The following CNTN5 variants were observed in gnomAD, a reference collection of about 807,000 sequenced individuals.
The protein encoded by CNTN5 is contactin 5, also known as contactin-5.
In CNTN5, 77 loss-of-function variants were observed where a neutral mutation model predicts 129.1. The ratio of observed to expected loss-of-function variants is 0.60; its 90% CI spans 0.50 to 0.72. The LOEUF is 0.72. CNTN5 is among the 30% of genes least tolerant of loss of function. CNTN5 has a pLI of 0.00. For synonymous variants in CNTN5, 509 were observed against 465.6 expected (o/e 1.09, Z -1.20); for missense variants, 1,478 against 1,328.8 (o/e 1.11, Z -1.75).
intron 2 of CNTN5, among the ~76,000 whole-genome samples, chr11:99,460,292 T>C (rs889692318): frequency 6.6e-6 from 1 of 151,482 alleles, no homozygotes; most frequent in Non-Finnish European, 1.5e-5. Context: ...ATTTAAGAAA[T>C]ATTAATTATT....
intron 1 of CNTN5, among the ~76,000 whole-genome samples, chr11:99,114,604 AT>A (rs1237403126): frequency 6.6e-6 from 1 of 152,134 alleles, no homozygotes; most frequent in African/African-American, 2.4e-5. Context: ...AATGAAAAAA[AT>A]ACTCGAATTA....
intron 4 of CNTN5, among the ~76,000 whole-genome samples, chr11:99,831,495 G>A (rs11827419): frequency 0.067 from 10,269 of 152,198 alleles, 365 homozygotes; most frequent in Middle Eastern, 0.14. Flanking sequence ...GGCTGTTGGC[G>A]TTGCAGTTTT....
At chr11:99,552,530 T>C (rs552473756) in intron 2 of CNTN5, among the ~76,000 whole-genome samples, 1 of 152,172 alleles carries the variant, frequency 6.6e-6, no homozygotes, top group African/African-American at 2.4e-5. Flanking sequence ...CTTGCTATTT[T>C]AAGGAGAGTA....
At chr11:99,430,456 C>A (rs1943316404) in intron 2 of CNTN5, among the ~76,000 whole-genome samples, 1 of 148,254 alleles carries the variant, frequency 6.7e-6, no homozygotes, top group African/African-American at 2.5e-5. Context: ...TTTATAAGGC[C>A]TTTATATATA....
At chr11:99,793,713 C>A (rs942306376) in intron 3 of CNTN5, among the ~76,000 whole-genome samples, 2 of 152,236 alleles carry the variant, frequency 1.3e-5, no homozygotes, top group African/African-American at 4.8e-5. Context: ...GCTTAATTTT[C>A]ATGTAATTTG....
intron 8 of CNTN5, 53 bp downstream of exon 8, chr11:99,957,062 A>G (rs1950822623): frequency 6.8e-7 from 1 of 1,478,680 alleles, no homozygotes; most frequent in Non-Finnish European, 9.3e-7. Context: ...TGGAAAATAA[A>G]GATGTATTAG....
intron 3 of CNTN5, among the ~76,000 whole-genome samples, chr11:99,761,245 A>G (rs972632209): frequency 4.6e-5 from 7 of 151,858 alleles, no homozygotes; most frequent in Non-Finnish European, 1.0e-4. Flanking sequence ...AAGTTTCTGT[A>G]TTAGTTTTTT....
chr11:99,315,610 T>C (rs1434987863), intron 1 of CNTN5, among the ~76,000 whole-genome samples: 1 of 149,726 alleles, frequency 6.7e-6, no homozygotes. Context: ...TGTTGTTTTA[T>C]TTCGCTTTAG....
At chr11:99,933,654 G>A (rs1394739528) in intron 7 of CNTN5, among the ~76,000 whole-genome samples, 1 of 152,178 alleles carries the variant, frequency 6.6e-6, no homozygotes, top group Admixed American at 6.5e-5. Flanking sequence ...GAGGCAGTTA[G>A]TTGGGTTTTT....
chr11:99,224,052 C>T (rs1479247693), intron 1 of CNTN5, among the ~76,000 whole-genome samples: 2 of 152,102 alleles, frequency 1.3e-5, no homozygotes, highest in Non-Finnish European at 2.9e-5. Flanking sequence ...AAGCTAACTA[C>T]AGAGAACACA....
intron 3 of CNTN5, among the ~76,000 whole-genome samples, chr11:99,589,562 A>G (rs1949912908): frequency 6.6e-6 from 1 of 152,220 alleles, no homozygotes; most frequent in Non-Finnish European, 1.5e-5. Flanking sequence ...TATGTTTTCT[A>G]TAGTGAATAC....
intron 8 of CNTN5, among the ~76,000 whole-genome samples, chr11:99,973,957 A>C (rs1937757290): frequency 6.6e-6 from 1 of 152,230 alleles, no homozygotes; most frequent in South Asian, 2.1e-4. Context: ...AGACATACTG[A>C]GAGGTAATTC....
chr11:100,081,520 G>C lies in CNTN5; in HGVS notation c.1580+7226G>C, dbSNP rs113917108. 9.1e-3 allele frequency among the ~76,000 whole-genome samples: 1,392 copies of C among 152,176 alleles called. 11 individuals are homozygous for C. The highest frequency in any genetic ancestry group is 0.013 in the South Asian group (61 of 4,828). On this transcript the variant is annotated intron_variant, in intron 13 of 24. Transcript: ENST00000524871. ...TGCAAGGTGGTAAGATGCTATGTCC[G>C]TATTCCACCCCATCTGAACTAATCC...
intron 1 of CNTN5, among the ~76,000 whole-genome samples, chr11:99,078,998 C>T (rs1300704109): frequency 6.6e-5 from 10 of 152,050 alleles, no homozygotes; most frequent in African/African-American, 2.4e-4. Flanking sequence ...ATGGTTACCC[C>T]ATCTACCTTC....
At chr11:99,438,810 G>A (rs1943701192) in intron 2 of CNTN5, among the ~76,000 whole-genome samples, 1 of 151,980 alleles carries the variant, frequency 6.6e-6, no homozygotes, top group South Asian at 2.1e-4. Flanking sequence ...TATACCTCTG[G>A]CACTGTTTTC....
chr11:100,251,384 T>G (rs1454154016), intron 16 of CNTN5, among the ~76,000 whole-genome samples: 1 of 152,142 alleles, frequency 6.6e-6, no homozygotes, highest in Admixed American at 6.6e-5. Context: ...TCAAGGTAAT[T>G]AGCATATTCA....
At chr11:99,884,983 A>G (rs1235887859) in intron 6 of CNTN5, among the ~76,000 whole-genome samples, 1 of 151,876 alleles carries the variant, frequency 6.6e-6, no homozygotes, top group Non-Finnish European at 1.5e-5. Flanking sequence ...TCTCAAAACA[A>G]ACAAAACAGG....
At chr11:99,574,570 G>A (rs1054401522) in intron 3 of CNTN5, among the ~76,000 whole-genome samples, 3 of 152,058 alleles carry the variant, frequency 2.0e-5, no homozygotes, top group Non-Finnish European at 4.4e-5. Flanking sequence ...TCCAGCATCT[G>A]GTGTTTCTTG....
chr11:100,191,759 T>C (rs1445308506), intron 14 of CNTN5, among the ~76,000 whole-genome samples: 1 of 151,952 alleles, frequency 6.6e-6, no homozygotes, highest in Non-Finnish European at 1.5e-5. Flanking sequence ...TTATATGCCT[T>C]TATTTTATAT....
Sources: allele counts gnomAD v4.1 joint callset (sites outside exome capture counted in the v4.1 genomes callset), GRCh38; gene constraint gnomAD v4.1.1; transcripts MANE v1.5; gene names NCBI Gene and HGNC (gene_info 2026-07-23, HGNC 2026-07-21).